The following UHRF2 variants were observed in gnomAD, a reference collection of about 807,000 sequenced individuals.
UHRF2 encodes the protein E3 ubiquitin-protein ligase UHRF2.
A neutral mutation model predicts 96.8 loss-of-function variants in UHRF2; 23 were observed. The observed-to-expected ratio is 0.24, with a 90% CI of 0.17 to 0.34. UHRF2 has a LOEUF of 0.34. UHRF2 is among the 10% of genes least tolerant of loss of function. The probability of loss-of-function intolerance (pLI) is 1.00; values close to 1 mark genes in which losing one functional copy is unlikely to be tolerated. For synonymous variants in UHRF2, 385 were observed against 332.6 expected, an observed-to-expected ratio of 1.16 and a Z score of -1.72; for missense variants, 685 against 981.5, an observed-to-expected ratio of 0.70 and a Z score of 4.04.
At chr9:6,469,672 G>A (rs977580180) in intron 4 of UHRF2, among the ~76,000 whole-genome samples, 4 of 99,616 alleles carry the variant, frequency 4.0e-5, no homozygotes, top group African/African-American at 1.3e-4. Context: ...GTGTGTGTGT[G>A]TGTGTATGTA....
intron 2 of UHRF2, among the ~76,000 whole-genome samples, chr9:6,428,303 A>C (rs762263064): frequency 2.6e-5 from 4 of 152,152 alleles, no homozygotes; most frequent in Non-Finnish European, 4.4e-5. Context: ...GAAATAGAAT[A>C]ACAATACTCC....
Position 6,500,817 on chromosome 9 carries a change from C to G in UHRF2, c.2163+108C>G, listed in dbSNP as rs1816252503. ...ATCAGTCAAAACTTCATCCTTCTAC[C>G]CGGTTTTCTAATCCAGTGCCACTAC... is the stretch of plus-strand genomic sequence containing the variant. On this transcript the variant is annotated intron_variant, in intron 14 of 15. Transcript: ENST00000276893. 5.5e-6 allele frequency: 6 copies of G among 1,087,774 alleles called. No individual in the cohort carries two copies. The East Asian group carries it at 8.0e-5, about 15-fold the overall frequency. The allele number at this position is 1,087,774 out of a possible 1,614,324, so 67.4% of individuals were successfully genotyped here.
chr9:6,421,518 G>C lies in UHRF2; in HGVS notation c.384+376G>C, dbSNP rs186052547. Among the ~76,000 whole-genome samples the C allele has an allele frequency of 8.9e-4, 135 of 152,268 alleles. 1 individual carries two copies. Among genetic ancestry groups the C allele is most frequent in the South Asian group, 1.2e-3 (6 of 4,822 alleles). On this transcript the variant is annotated intron_variant, in intron 2 of 15. Coordinates refer to ENST00000276893, the MANE Select transcript of UHRF2 (RefSeq NM_152896.3). ...TATGACCTCTGCCTCCCAGGTTCAAGCAAATCTCCTGCCTTAGTCTCCTGA... is the reference window on the plus strand; with the variant it reads ...TATGACCTCTGCCTCCCAGGTTCAACCAAATCTCCTGCCTTAGTCTCCTGA...
At chr9:6,471,120 C>G (rs1341513262) in intron 4 of UHRF2, among the ~76,000 whole-genome samples, 2 of 152,240 alleles carry the variant, frequency 1.3e-5, no homozygotes, top group South Asian at 2.1e-4. Context: ...CTTAAATGTC[C>G]TGGTAATATA....
intron 3 of UHRF2, among the ~76,000 whole-genome samples, chr9:6,457,721 T>C (rs541008124): frequency 6.6e-6 from 1 of 152,250 alleles, no homozygotes; most frequent in South Asian, 2.1e-4. Flanking sequence ...CATGAAGGGG[T>C]TGAATTTTGT....
At chr9:6,451,863 A>C (rs1249653197) in intron 3 of UHRF2, among the ~76,000 whole-genome samples, 1 of 151,860 alleles carries the variant, frequency 6.6e-6, no homozygotes, top group Non-Finnish European at 1.5e-5. Context: ...GGCTCACTGC[A>C]GTCTCTGCCT....
At chr9:6,478,387 A>G (rs1823716771) in intron 6 of UHRF2, among the ~76,000 whole-genome samples, 2 of 152,320 alleles carry the variant, frequency 1.3e-5, no homozygotes, top group South Asian at 4.1e-4. Flanking sequence ...ACCATGTTAG[A>G]TATCCTTGTT....
At chr9:6,505,209 C>T (rs1380992878) in intron 15 of UHRF2, among the ~76,000 whole-genome samples, 1 of 152,096 alleles carries the variant, frequency 6.6e-6, no homozygotes, top group African/African-American at 2.4e-5. Flanking sequence ...AACAAATCTA[C>T]ATACGAGTTT....
intron 4 of UHRF2, among the ~76,000 whole-genome samples, chr9:6,464,791 A>T (rs1446040403): frequency 6.6e-6 from 1 of 152,062 alleles, no homozygotes; most frequent in East Asian, 1.9e-4. Context: ...TATCAGTTCC[A>T]CACTTTCATA....
chr9:6,435,144 C>G (rs1820766956), intron 3 of UHRF2, among the ~76,000 whole-genome samples: 1 of 152,030 alleles, frequency 6.6e-6, no homozygotes, highest in Non-Finnish European at 1.5e-5. Context: ...GAGGCGCGCA[C>G]CACCACGCCT....
In UHRF2 at chr9:6,413,539, G is replaced by A; in HGVS notation, c.49G>A (p.Glu17Lys). ...TIDGSKTCTI[E>K]DVSRKATIEE... Reference sequence around the variant, plus strand: ...TGATGGCTCCAAGACGTGCACCATTGAGGACGTGTCTCGCAAAGCCACGAT... The same window carrying A: ...TGATGGCTCCAAGACGTGCACCATTAAGGACGTGTCTCGCAAAGCCACGAT... The change falls in exon 1 of 16, where the codon GAG becomes AAG. Residue 17 changes from glutamate to lysine, a missense_variant. Coordinates refer to ENST00000276893, the MANE Select transcript of UHRF2 (RefSeq NM_152896.3). 6.3e-7 allele frequency: 1 copy of A among 1,596,234 alleles called. No homozygotes were observed. Among genetic ancestry groups the A allele is most frequent in the Non-Finnish European group, 8.5e-7 (1 of 1,172,256 alleles).
At chr9:6,448,093 C>CA (rs1821628634) in intron 3 of UHRF2, among the ~76,000 whole-genome samples, 2 of 152,146 alleles carry the variant, frequency 1.3e-5, no homozygotes, top group Non-Finnish European at 2.9e-5. Context: ...GTAAAGCCTA[C>CA]AAAGCCTACA....
intron 2 of UHRF2, among the ~76,000 whole-genome samples, chr9:6,422,321 C>T (rs1005411910): frequency 2.6e-5 from 4 of 152,168 alleles, no homozygotes; most frequent in African/African-American, 7.2e-5. Flanking sequence ...ACCTCCTCAT[C>T]TGCCCTCCTC....
chr9:6,463,080 G>C (rs555229387), intron 4 of UHRF2, among the ~76,000 whole-genome samples: 9 of 152,118 alleles, frequency 5.9e-5, no homozygotes, highest in African/African-American at 2.2e-4. Flanking sequence ...TCAGGAGATC[G>C]AGACCAGTCT....
At chr9:6,478,586 T>A (rs1430634585) in intron 6 of UHRF2, among the ~76,000 whole-genome samples, 1 of 152,220 alleles carries the variant, frequency 6.6e-6, no homozygotes, top group Non-Finnish European at 1.5e-5. Context: ...GGAAAAATGT[T>A]TCCAAAGTTG....
At chr9:6,456,487 G>T (rs1240800791) in intron 3 of UHRF2, among the ~76,000 whole-genome samples, 3 of 152,164 alleles carry the variant, frequency 2.0e-5, no homozygotes, top group Non-Finnish European at 4.4e-5. Flanking sequence ...TAGGTTGCCT[G>T]TTCACTCTGA....
In UHRF2 at chr9:6,450,229, T is replaced by G. The variant is rs79762977; in HGVS notation, c.645-10344T>G. 9.5e-3 allele frequency among the ~76,000 whole-genome samples: 1,453 copies of G among 152,232 alleles called. 23 individuals carry two copies. The highest frequency in any genetic ancestry group is 0.034 in the African/African-American group (1,403 of 41,538). On this transcript the variant is annotated intron_variant, in intron 3 of 15. Transcript: ENST00000276893. ...TCTATTTAAAAATGTACTTAGGTTG[T>G]TCAAATAAGGATCAAAAACAAACCC...
chr9:6,473,765 T>C (rs561326941), intron 4 of UHRF2, among the ~76,000 whole-genome samples: 1 of 152,344 alleles, frequency 6.6e-6, no homozygotes. Flanking sequence ...CAGCCATAGA[T>C]AATACAAAAA....
intron 3 of UHRF2, among the ~76,000 whole-genome samples, chr9:6,446,668 G>A (rs1233667185): frequency 3.3e-5 from 5 of 151,744 alleles, no homozygotes; most frequent in Non-Finnish European, 5.9e-5. Flanking sequence ...CCTGGCCAAC[G>A]TGGTGAAACC....
Sources: allele counts gnomAD v4.1 joint callset (sites outside exome capture counted in the v4.1 genomes callset), GRCh38; gene constraint gnomAD v4.1.1; transcripts MANE v1.5; gene names NCBI Gene and HGNC (gene_info 2026-07-23, HGNC 2026-07-21).